PCDHA7: variants seen among roughly 807,000 people sequenced by gnomAD.
The protein encoded by PCDHA7 is protocadherin alpha-7.
Under a neutral mutation model 57.2 loss-of-function variants are expected in PCDHA7, and 37 were observed. That is an observed-to-expected ratio of 0.65 (90% CI 0.50 to 0.85). PCDHA7 has a LOEUF of 0.85. Ranked by LOEUF, PCDHA7 falls within the 40% of genes least tolerant of loss-of-function variation. The probability of loss-of-function intolerance (pLI) is 0.00; values close to 1 mark genes in which losing one functional copy is unlikely to be tolerated. For synonymous variants in PCDHA7, 553 were observed against 558.8 expected (o/e 0.99, Z 0.15); for missense variants, 1,188 against 1,241.8 (o/e 0.96, Z 0.65).
chr5:140,994,892 G>A (rs1554254386), intron 3 of PCDHA7, among the ~76,000 whole-genome samples: 2 of 152,192 alleles, frequency 1.3e-5, no homozygotes, highest in Non-Finnish European at 2.9e-5. Flanking sequence ...TAGGAAATGA[G>A]ATCAGAAATG....
intron 1 of PCDHA7, among the ~76,000 whole-genome samples, chr5:140,934,631 G>A (rs2089960013): frequency 6.6e-6 from 1 of 151,984 alleles, no homozygotes; most frequent in African/African-American, 2.4e-5. Flanking sequence ...GTTCACACAG[G>A]AAAGGCAGGA....
chr5:140,844,617 C>G lies in PCDHA7; in HGVS notation c.2355+7879C>G, dbSNP rs1271034254. 1.3e-5 allele frequency among the ~76,000 whole-genome samples: 2 copies of G among 149,204 alleles called. 1 individual carries two copies. The highest frequency in any genetic ancestry group is 4.9e-5 in the African/African-American group (2 of 40,768). ...AATATATGACTTAGAAAAATGTTTT[C>G]ATCAGAAAAACTATACATGATAATT... On this transcript the variant is annotated intron_variant, in intron 1 of 3. Coordinates refer to ENST00000525929, the MANE Select transcript of PCDHA7 (RefSeq NM_018910.3).
chr5:140,892,772 C>G (rs1053940130), intron 1 of PCDHA7, among the ~76,000 whole-genome samples: 1 of 152,144 alleles, frequency 6.6e-6, no homozygotes, highest in African/African-American at 2.4e-5. Context: ...ACTCTTCTAG[C>G]TTCTTGAAAA....
intron 1 of PCDHA7, chr5:140,869,208 C>T (rs782200592): frequency 2.5e-6 from 4 of 1,613,990 alleles, no homozygotes; most frequent in Middle Eastern, 1.7e-4. Context: ...ACTACTCCGT[C>T]TCGGAGGAGG....
chr5:140,850,784 TAAG>T, intron 1 of PCDHA7: 1 of 1,597,982 alleles, frequency 6.3e-7, no homozygotes, highest in Non-Finnish European at 8.6e-7. Flanking sequence ...CTGGCGAGGG[TAAG>T]CAGAAGACCG....
chr5:140,893,954 T>C (rs115606551), intron 1 of PCDHA7, among the ~76,000 whole-genome samples: 1,862 of 152,344 alleles, frequency 0.012, 45 homozygotes, highest in African/African-American at 0.042. Flanking sequence ...CATGACTTTA[T>C]TAGTCATTAG....
intron 1 of PCDHA7, chr5:140,860,712 G>C (rs1200202390): frequency 5.3e-5 from 8 of 152,188 alleles, no homozygotes; most frequent in African/African-American, 1.9e-4. Flanking sequence ...TGTTCTCCAT[G>C]AAAAGTTTTT....
At chr5:140,877,725 G>A (rs570815670) in intron 1 of PCDHA7, 1 of 1,614,124 alleles carries the variant, frequency 6.2e-7, no homozygotes, top group Non-Finnish European at 8.5e-7. Flanking sequence ...GGTCTTACTC[G>A]CAGCAGAGGA....
chr5:140,920,747 G>A (rs565649077), intron 1 of PCDHA7, among the ~76,000 whole-genome samples: 10 of 152,052 alleles, frequency 6.6e-5, no homozygotes, highest in African/African-American at 2.4e-4. Context: ...AGGAGGCTGA[G>A]GCAGGAGAAT....
In PCDHA7 at chr5:141,006,613, A is replaced by G. The variant is rs543043401; in HGVS notation, c.2504-3014A>G. 2.0e-5 allele frequency among the ~76,000 whole-genome samples: 3 copies of G among 152,308 alleles called. No individual in the cohort carries two copies. In the South Asian group the frequency reaches 6.2e-4, roughly 32 times the overall value. Reference sequence around the variant, plus strand: ...AGCAAAAGTGGAAGCAGACTGAATAAGGAGACTATTGCTGCAATTCATATA... The same window carrying G: ...AGCAAAAGTGGAAGCAGACTGAATAGGGAGACTATTGCTGCAATTCATATA... On this transcript the variant is annotated intron_variant, in intron 3 of 3. Coordinates refer to ENST00000525929, the MANE Select transcript of PCDHA7 (RefSeq NM_018910.3).
At chr5:140,876,418 T>C in intron 1 of PCDHA7, 1 of 1,613,982 alleles carries the variant, frequency 6.2e-7, no homozygotes, top group Non-Finnish European at 8.5e-7. Flanking sequence ...GAATAATGCC[T>C]ATGAAATTCA....
chr5:140,841,477 G>A (rs2150316212), intron 1 of PCDHA7: 10 of 1,612,988 alleles, frequency 6.2e-6, no homozygotes, highest in African/African-American at 4.0e-5. Flanking sequence ...CGCAGGACCT[G>A]GGGCTGGAGC....
chr5:140,836,208 T>A lies in PCDHA7; in HGVS notation c.1825T>A (p.Tyr609Asn), dbSNP rs2150255452. Residue 609 changes from tyrosine to asparagine, a missense_variant, in exon 1 of 4, where the codon TAT becomes AAT. This residue lies in a region of PCDHA7 where 892 missense variants were observed against 788.5 expected (regional missense o/e 1.13). Coordinates refer to ENST00000525929, the MANE Select transcript of PCDHA7 (RefSeq NM_018910.3). ...CTCAGGCTACAACGCGTGGCTTTCG[T>A]ATGAGTTGCAACCGGTGGCGGCCGG... ...ADSGYNAWLS[Y>N]ELQPVAAGAS... is the part of the protein sequence containing the mutation. The A allele has an allele frequency of 1.9e-5, 31 of 1,613,658 alleles. No individual in the cohort carries two copies. The highest frequency in any genetic ancestry group is 2.6e-5 in the Non-Finnish European group (31 of 1,179,808).
At chr5:140,862,415 G>A (rs1382532896) in intron 1 of PCDHA7, 6 of 348,784 alleles carry the variant, frequency 1.7e-5, no homozygotes, top group Non-Finnish European at 2.8e-5. Context: ...TTCAAAAGGC[G>A]CTGCCCAGAA....
intron 1 of PCDHA7, chr5:140,841,833 G>C: frequency 6.2e-7 from 1 of 1,613,938 alleles, no homozygotes; most frequent in Non-Finnish European, 8.5e-7. Flanking sequence ...TTAACCTACA[G>C]GCTTAGCTCT....
At position 140,898,329 on chromosome 5, in the gene PCDHA7, C is replaced by T. The variant is rs13158044; in HGVS notation, c.2355+61591C>T. Among the ~76,000 whole-genome samples the T allele has an allele frequency of 3.9e-5, 6 of 152,232 alleles. No homozygotes were observed. The East Asian group carries it at 7.7e-4, about 20-fold the overall frequency. On this transcript the variant is annotated intron_variant, in intron 1 of 3. Transcript: ENST00000525929. ...AGGGTTTTTATGGTTTTGGGTCTAA[C>T]GTTTAAGTCTTTAATCCATCTTGAA...
chr5:141,009,729 G>A lies in PCDHA7; in HGVS notation c.2606G>A (p.Gly869Asp). 6.2e-7 allele frequency: 1 copy of A among 1,614,168 alleles called. No homozygotes were observed. The highest frequency in any genetic ancestry group is 8.5e-7 in the Non-Finnish European group (1 of 1,180,028). The change falls in exon 4 of 4, where the codon GGT (glycine) becomes GAT (aspartate). Residue 869 changes from glycine to aspartate, a missense_variant. Physicochemically the swap from Gly to Asp is moderately conservative, Grantham distance 94. This residue lies in a region of PCDHA7 where 892 missense variants were observed against 788.5 expected (regional missense o/e 1.13). Transcript: ENST00000525929. ...GGCAACCCCAAACAATCCGGTCCCG[G>A]TGAGTTGCCCGACAAATTCATTATC... ...GPGNPKQSGP[G>D]ELPDKFIIPG...
At chr5:140,926,829 G>A in intron 1 of PCDHA7, 1 of 1,501,192 alleles carries the variant, frequency 6.7e-7, no homozygotes, top group Middle Eastern at 2.1e-4. Context: ...CCAGGAGTCC[G>A]GAGCATGGTC....
At chr5:140,846,011 AAAAGTTATTAC>A (rs1554141096) in intron 1 of PCDHA7, among the ~76,000 whole-genome samples, 1 of 149,770 alleles carries the variant, frequency 6.7e-6, no homozygotes, top group Non-Finnish European at 1.5e-5. Flanking sequence ...AAAAAAATCT[AAAAGTTATTAC>A]GAGTTTAGGA....
Sources: gnomAD v4.1 joint callset for allele counts (sites outside exome capture counted in the v4.1 genomes callset) on GRCh38, gnomAD v4.1.1 for gene constraint, gnomAD v4.1.1 regional missense constraint, MANE v1.5 for transcripts, NCBI Gene and HGNC (gene_info 2026-07-23, HGNC 2026-07-21) for gene names.